The following DNAH6 variants were observed in gnomAD, a reference collection of about 807,000 sequenced individuals.
DNAH6 encodes dynein axonemal heavy chain 6.
A neutral mutation model predicts 491.4 loss-of-function variants in DNAH6; 340 were observed. The ratio of observed to expected loss-of-function variants is 0.69; its 90% CI spans 0.63 to 0.76. The LOEUF (loss-of-function observed/expected upper bound fraction) is 0.76. Among genes scored for constraint, DNAH6 ranks in the 30% least tolerant of loss-of-function variants. DNAH6 has a pLI of 0.00. For synonymous variants in DNAH6, 1,603 were observed against 1,686.1 expected, an observed-to-expected ratio of 0.95 and a Z score of 1.21; for missense variants, 4,443 against 4,972.2, an observed-to-expected ratio of 0.89 and a Z score of 3.20.
At chr2:84,764,456 G>A (rs936888239) in intron 64 of DNAH6, among the ~76,000 whole-genome samples, 2 of 152,072 alleles carry the variant, frequency 1.3e-5, no homozygotes, top group Non-Finnish European at 2.9e-5. Flanking sequence ...TATCCAACTG[G>A]CAAAATGGTA....
upstream of DNAH6, among the ~76,000 whole-genome samples, chr2:84,515,724 G>C (rs1253934605): frequency 6.6e-6 from 1 of 152,210 alleles, no homozygotes; most frequent in Non-Finnish European, 1.5e-5. Context: ...CCCCTGATCA[G>C]TAACTGGGAT....
chr2:84,693,378 T>C (rs1276278578), intron 45 of DNAH6, among the ~76,000 whole-genome samples: 1 of 146,548 alleles, frequency 6.8e-6, no homozygotes, highest in Non-Finnish European at 1.5e-5. Flanking sequence ...CTACCCAACT[T>C]TTCCTAAATT....
intron 8 of DNAH6, among the ~76,000 whole-genome samples, chr2:84,548,976 G>A (rs987554908): frequency 1.3e-5 from 2 of 152,170 alleles, no homozygotes; most frequent in African/African-American, 4.8e-5. Flanking sequence ...ACTATAGGCA[G>A]CTGCATAACA....
chr2:84,528,887 A>C lies in DNAH6; in HGVS notation c.400-17A>C. On this transcript the variant is annotated splice_polypyrimidine_tract_variant and intron_variant, in intron 3 of 76. Coordinates refer to ENST00000389394, the MANE Select transcript of DNAH6 (RefSeq NM_001370.2). ...GCAAAGACTCATTTTTTTTTTTCAA[A>C]AATTGGCTTTGTTTAGATTCATCGG... 6.6e-7 allele frequency: 1 copy of C among 1,509,458 alleles called. No individual in the cohort carries two copies. The highest frequency in any genetic ancestry group is 8.9e-7 in the Non-Finnish European group (1 of 1,129,318). 93.5% of individuals were successfully genotyped at this position (1,509,458 alleles called of 1,614,324 possible). A position where few individuals can be genotyped will look rare whatever the true frequency, so the allele number is the denominator to read the frequency against.
At chr2:84,567,024 A>G (rs1681273235) in intron 11 of DNAH6, among the ~76,000 whole-genome samples, 2 of 152,094 alleles carry the variant, frequency 1.3e-5, no homozygotes, top group Admixed American at 1.3e-4. Context: ...AAGATGGACA[A>G]ATTATTTTAT....
intron 4 of DNAH6, 43 bp downstream of exon 4, chr2:84,529,209 A>G (rs1246391551): frequency 7.5e-7 from 1 of 1,332,798 alleles, no homozygotes; most frequent in Admixed American, 2.3e-5. Flanking sequence ...AAAATTACAA[A>G]TAAGATTTCA....
At chr2:84,614,011 T>TTTAC (rs1180634376) in intron 22 of DNAH6, among the ~76,000 whole-genome samples, 1 of 120,510 alleles carries the variant, frequency 8.3e-6, no homozygotes, top group African/African-American at 5.6e-5. Flanking sequence ...GCCATTCCAT[T>TTTAC]TTATTTATTT....
intron 63 of DNAH6, among the ~76,000 whole-genome samples, chr2:84,751,776 T>A (rs901681871): frequency 1.2e-4 from 18 of 152,210 alleles, no homozygotes; most frequent in Admixed American, 1.2e-3. Flanking sequence ...CAGAATCATT[T>A]GGGGGTCTTG....
chr2:84,498,065 A>C, the DNAH6 span, among the ~76,000 whole-genome samples: 25 of 152,338 alleles, frequency 1.6e-4, no homozygotes, highest in East Asian at 3.5e-3. Context: ...TTCTGTACCT[A>C]AACTTCCATA....
intron 2 of DNAH6, among the ~76,000 whole-genome samples, chr2:84,521,460 G>A (rs1284552127): frequency 2.0e-5 from 3 of 152,054 alleles, no homozygotes; most frequent in African/African-American, 7.2e-5. Flanking sequence ...TAGCTATGCA[G>A]AAGTTCTTAA....
chr2:84,632,148 A>G (rs533660345), intron 29 of DNAH6, among the ~76,000 whole-genome samples: 1 of 152,336 alleles, frequency 6.6e-6, no homozygotes, highest in African/African-American at 2.4e-5. Flanking sequence ...CCAGTCAGTC[A>G]TTGCAAGCAT....
chr2:84,550,885 T>C (rs1350984542), intron 9 of DNAH6, among the ~76,000 whole-genome samples: 1 of 152,186 alleles, frequency 6.6e-6, no homozygotes, highest in African/African-American at 2.4e-5. Context: ...TTTGAGGGGA[T>C]GGCCTTTTAT....
At chr2:84,604,291 A>AT in intron 18 of DNAH6, 48 bp from the exon 19 acceptor site, 34 of 1,433,376 alleles carry the variant, frequency 2.4e-5, no homozygotes, top group Non-Finnish European at 3.3e-5. Flanking sequence ...TGTGGGTTAT[A>AT]TTTTTAAGAT....
chr2:84,667,022 G>A (rs1692197345), intron 37 of DNAH6, among the ~76,000 whole-genome samples: 1 of 152,160 alleles, frequency 6.6e-6, no homozygotes, highest in South Asian at 2.1e-4. Context: ...AATAAATGGT[G>A]CTGGGAAAAC....
chr2:84,552,588 C>T (rs1679504940), intron 9 of DNAH6, among the ~76,000 whole-genome samples: 1 of 151,922 alleles, frequency 6.6e-6, no homozygotes, highest in South Asian at 2.1e-4. Flanking sequence ...GGCATATATT[C>T]CTATTAAGTA....
intron 45 of DNAH6, among the ~76,000 whole-genome samples, chr2:84,688,800 T>G (rs1452679507): frequency 6.6e-6 from 1 of 152,248 alleles, no homozygotes; most frequent in Non-Finnish European, 1.5e-5. Flanking sequence ...GAGTCATTTT[T>G]TTGCTAAATA....
the DNAH6 span, among the ~76,000 whole-genome samples, chr2:84,475,676 T>C: frequency 6.6e-6 from 1 of 152,184 alleles, no homozygotes; most frequent in South Asian, 2.1e-4. Context: ...GTCTTCCCTC[T>C]CAGGGGTCTA....
In DNAH6 at chr2:84,653,411, A is replaced by G. The variant is rs1401732875; in HGVS notation, c.5171A>G (p.Gln1724Arg). The G allele has an allele frequency of 7.7e-6, 12 of 1,551,152 alleles. No homozygotes were observed. The East Asian group carries it at 9.8e-5, about 13-fold the overall frequency. ...ACAATTGTGGATGTCATGAATAGAC[A>G]AAATCTTCAGCCTGAGATGTGTATG... The part of the protein sequence containing the change: ...QSTIVDVMNR[Q>R]NLQPEMCMVR... The change falls in exon 34 of 77, where the codon CAA becomes CGA. Residue 1724 changes from glutamine (Q) to arginine (R), a missense_variant. Coordinates refer to ENST00000389394, the MANE Select transcript of DNAH6 (RefSeq NM_001370.2).
At chr2:84,669,155 TA>T in intron 37 of DNAH6, 133 bp from the exon 38 acceptor site, 3 of 667,282 alleles carry the variant, frequency 4.5e-6, no homozygotes, top group Admixed American at 2.7e-5. Flanking sequence ...AATAACTATG[TA>T]TCTACAAAGG....
Sources: allele counts gnomAD v4.1 joint callset (sites outside exome capture counted in the v4.1 genomes callset), GRCh38; gene constraint gnomAD v4.1.1; transcripts MANE v1.5; gene names NCBI Gene and HGNC (gene_info 2026-07-23, HGNC 2026-07-21).